Variants in JPH3 observed in about 807,000 individuals in gnomAD.
JPH3 encodes junctophilin 3, also known as junctophilin-3.
A neutral mutation model predicts 59.6 loss-of-function variants in JPH3; 11 were observed. The observed-to-expected ratio is 0.18, with a 90% CI of 0.12 to 0.31. The LOEUF is 0.31. Among genes scored for constraint, JPH3 ranks in the 10% least tolerant of loss-of-function variants. The probability of loss-of-function intolerance (pLI) is 1.00; values close to 1 mark genes in which losing one functional copy is unlikely to be tolerated. For missense variants in JPH3, 1,202 were observed against 1,105.7 expected (o/e 1.09, Z -1.24); for synonymous variants, 673 against 483.6 (o/e 1.39, Z -5.14).
At chr16:87,654,474 T>C (rs2032427256) in intron 2 of JPH3, 1 of 152,134 alleles carries the variant, frequency 6.6e-6, no homozygotes, top group Non-Finnish European at 1.5e-5. Context: ...GAACACCTCT[T>C]TGTGGTTAGG....
intron 1 of JPH3, among the ~76,000 whole-genome samples, chr16:87,641,059 T>A (rs1056859665): frequency 2.6e-5 from 4 of 152,180 alleles, no homozygotes; most frequent in Non-Finnish European, 4.4e-5. Context: ...GTGGTTCGCA[T>A]TGGGGTGCCG....
chr16:87,637,115 T>C (rs370491516), intron 1 of JPH3, among the ~76,000 whole-genome samples: 115 of 152,274 alleles, frequency 7.6e-4, no homozygotes, highest in African/African-American at 2.6e-3. Context: ...ATCTTAGGAG[T>C]CGGAAATCTT....
chr16:87,696,711 A>G lies in JPH3; in HGVS notation c.*51A>G. The stretch of plus-strand genomic sequence containing the variant: ...AGAAAGGGTAGAAAAAAGGGACATT[A>G]AAATTAAAAGCAAAACCACAAGAAG... On this transcript the variant is annotated 3_prime_UTR_variant, in exon 5 of 5. Transcript: ENST00000284262. 1 of 1,486,012 alleles carries G rather than the reference A, an allele frequency of 6.7e-7. No homozygotes were observed. The highest frequency in any genetic ancestry group is 9.4e-7 in the Non-Finnish European group (1 of 1,067,228). The allele number at this position is 1,486,012 out of a possible 1,614,324, so 92.1% of individuals were successfully genotyped here.
chr16:87,602,358 C>T (rs1235587769), upstream of JPH3, among the ~76,000 whole-genome samples: 7 of 134,634 alleles, frequency 5.2e-5, no homozygotes, highest in Admixed American at 5.0e-4. Flanking sequence ...GGGTCCCCGC[C>T]CGCGCGCCGC....
At chr16:87,682,281 A>G (rs185925817) in intron 2 of JPH3, among the ~76,000 whole-genome samples, 6 of 152,314 alleles carry the variant, frequency 3.9e-5, no homozygotes, top group Non-Finnish European at 7.4e-5. Flanking sequence ...CAAGAAAGCC[A>G]TCTTTCATGA....
At chr16:87,613,938 T>C (rs1490622961) in intron 1 of JPH3, among the ~76,000 whole-genome samples, 1 of 152,138 alleles carries the variant, frequency 6.6e-6, no homozygotes, top group Non-Finnish European at 1.5e-5. Context: ...TGCAAACTTG[T>C]TTCTGGCCGC....
chr16:87,631,740 T>G (rs1321011553), intron 1 of JPH3, among the ~76,000 whole-genome samples: 1 of 152,204 alleles, frequency 6.6e-6, no homozygotes, highest in Admixed American at 6.5e-5. Flanking sequence ...TTTAATTTTC[T>G]TACTGTTTTG....
intron 1 of JPH3, chr16:87,604,988 T>C (rs989227431): frequency 2.2e-5 from 10 of 453,550 alleles, no homozygotes; most frequent in Non-Finnish European, 4.0e-5. Context: ...CCTGTGTGTG[T>C]GTGTGCGCGC....
chr16:87,689,549 C>T, intron 3 of JPH3, 97 bp from the exon 4 acceptor site: 2 of 1,330,744 alleles, frequency 1.5e-6, no homozygotes, highest in Admixed American at 2.0e-5. Context: ...CCTCTGCTGC[C>T]CTGAGGTTCC....
chr16:87,690,413 G>A lies in JPH3; in HGVS notation c.2053G>A (p.Gly685Arg), dbSNP rs765489829. Residue 685 changes from glycine (G) to arginine (R), a missense_variant, in exon 4 of 5, where the codon GGG becomes AGG. Physicochemically the swap from Gly to Arg is moderately radical, Grantham distance 125 (BLOSUM62 -2). Transcript: ENST00000284262. ...GAAACTGGCGAGCCTGCGGCTGGGC[G>A]GGGCCGAGCCCCGGTTGCTGCGTTG... ...VQKLASLRLGGAEPRLLRWDL... is the reference protein window; with the variant it reads ...VQKLASLRLGRAEPRLLRWDL... The A allele has an allele frequency of 1.3e-5, 20 of 1,503,524 alleles. No homozygotes were observed. The highest frequency in any genetic ancestry group is 1.8e-5 in the Non-Finnish European group (20 of 1,128,738). The allele number at this position is 1,503,524 out of a possible 1,614,324, so 93.1% of individuals were successfully genotyped here.
chr16:87,689,775 C>T lies in JPH3; in HGVS notation c.1415C>T (p.Pro472Leu), dbSNP rs1191125842. The change falls in exon 4 of 5, where the codon CCC (proline) becomes CTC (leucine). Residue 472 changes from proline (P) to leucine (L), a missense_variant. Transcript: ENST00000284262. ...GGCACCACTCCCTCCGACCTGACCC[C>T]CGACGACAGCCCCCTGCAGAGCTTC... ...RKGTTPSDLT[P>L]DDSPLQSFPT... 1.2e-6 allele frequency: 2 copies of T among 1,609,714 alleles called. No homozygotes were observed. Among genetic ancestry groups the T allele is most frequent in the South Asian group, 2.2e-5 (2 of 90,824 alleles).
intron 1 of JPH3, among the ~76,000 whole-genome samples, chr16:87,610,225 A>C (rs1022956957): frequency 6.6e-6 from 1 of 152,028 alleles, no homozygotes. Flanking sequence ...TTGCTTACTC[A>C]CTCGCCACTC....
At chr16:87,687,971 T>C (rs967125259) in intron 3 of JPH3, among the ~76,000 whole-genome samples, 3 of 152,110 alleles carry the variant, frequency 2.0e-5, no homozygotes, top group Non-Finnish European at 4.4e-5. Context: ...TCCGTGGGCA[T>C]GATTGGGGGC....
rs1422075903 is a variant in JPH3 at position 87,602,630 on chromosome 16, T to A, written c.-517T>A. On this transcript the variant is annotated 5_prime_UTR_variant, in exon 1 of 5. An upstream start codon of the reference 5' UTR is lost. Coordinates refer to ENST00000284262, the MANE Select transcript of JPH3 (RefSeq NM_020655.4). ...CGCGCCCGGCCCGCGGCCCCCAATATGGTGCAGCCGCCAGCGCCGCCGCCC... is the reference window on the plus strand; with the variant it reads ...CGCGCCCGGCCCGCGGCCCCCAATAAGGTGCAGCCGCCAGCGCCGCCGCCC... Among the ~76,000 whole-genome samples the A allele has an allele frequency of 7.9e-6, 1 of 126,318 alleles. No individual in the cohort carries two copies. Among genetic ancestry groups the A allele is most frequent in the East Asian group, 2.8e-4 (1 of 3,596 alleles). The allele number at this position is 126,318 out of a possible 152,430, so 82.9% of individuals were successfully genotyped here. A position where few individuals can be genotyped will look rare whatever the true frequency, so the allele number is the denominator to read the frequency against.
chr16:87,684,746 C>T (rs573349855), intron 3 of JPH3, among the ~76,000 whole-genome samples: 47 of 152,334 alleles, frequency 3.1e-4, no homozygotes, highest in Admixed American at 7.8e-4. Flanking sequence ...GGTTGGACAG[C>T]GTCACAAATG....
chr16:87,607,519 C>T (rs912113655), intron 1 of JPH3, among the ~76,000 whole-genome samples: 2 of 152,262 alleles, frequency 1.3e-5, no homozygotes, highest in South Asian at 4.1e-4. Flanking sequence ...GCAGCCACTG[C>T]GCCCTTGCGG....
At chr16:87,628,401 C>G (rs757299846) in intron 1 of JPH3, among the ~76,000 whole-genome samples, 5 of 152,260 alleles carry the variant, frequency 3.3e-5, no homozygotes, top group Admixed American at 1.3e-4. Flanking sequence ...CTGGCGTCTG[C>G]CCTCCTGAGT....
At chr16:87,674,821 C>T (rs576499065) in intron 2 of JPH3, among the ~76,000 whole-genome samples, 51 of 152,214 alleles carry the variant, frequency 3.4e-4, no homozygotes, top group Admixed American at 7.2e-4. Flanking sequence ...AATGCAGTGG[C>T]GCGATCTTGT....
chr16:87,635,261 G>A (rs1445817579), intron 1 of JPH3, among the ~76,000 whole-genome samples: 1 of 152,224 alleles, frequency 6.6e-6, no homozygotes, highest in Non-Finnish European at 1.5e-5. Flanking sequence ...TCTGTCCATG[G>A]CCCTGAGGAG....
Sources: gnomAD v4.1 joint callset for allele counts (sites outside exome capture counted in the v4.1 genomes callset) on GRCh38, gnomAD v4.1.1 for gene constraint, MANE v1.5 for transcripts, NCBI Gene and HGNC (gene_info 2026-07-23, HGNC 2026-07-21) for gene names.